CWC27: variants seen among roughly 807,000 people sequenced by gnomAD.
CWC27 encodes the protein spliceosome-associated protein CWC27 homolog.
CWC27 carries 47 observed loss-of-function variants against 63.6 expected under a neutral mutation model. The ratio of observed to expected loss-of-function variants is 0.74; its 90% CI spans 0.58 to 0.94. The LOEUF is 0.94. Among genes scored for constraint, CWC27 ranks in the 40% least tolerant of loss-of-function variants. CWC27 has a pLI of 0.00. For missense variants in CWC27, 495 were observed against 554.3 expected, an observed-to-expected ratio of 0.89 and a Z score of 1.07; for synonymous variants, 175 against 179.8, an observed-to-expected ratio of 0.97 and a Z score of 0.22.
intron 11 of CWC27, among the ~76,000 whole-genome samples, chr5:64,962,399 C>A (rs1010977163): frequency 6.6e-6 from 1 of 152,096 alleles, no homozygotes; most frequent in African/African-American, 2.4e-5. Context: ...ACTACAGTGG[C>A]CCAAGTGGAT....
chr5:64,865,133 A>G (rs1436030779), intron 10 of CWC27, among the ~76,000 whole-genome samples: 2 of 152,112 alleles, frequency 1.3e-5, no homozygotes, highest in Non-Finnish European at 2.9e-5. Flanking sequence ...TAAAAAAAAA[A>G]AAACTTGGGG....
intron 11 of CWC27, among the ~76,000 whole-genome samples, chr5:64,934,507 G>A: frequency 6.6e-6 from 1 of 152,190 alleles, no homozygotes; most frequent in Non-Finnish European, 1.5e-5. Context: ...TATCATTGAT[G>A]AGCGTTTGGG....
rs566217429 is a variant in CWC27, at chr5:64,813,219, T to C, written c.938+8833T>C. 6.6e-5 allele frequency among the ~76,000 whole-genome samples: 10 copies of C among 152,306 alleles called. No homozygotes were observed. The South Asian group carries it at 2.1e-3, about 32-fold the overall frequency. On this transcript the variant is annotated intron_variant, in intron 10 of 13. Transcript: ENST00000381070. ...GAAACCATACTATATTTAGCATTTC[T>C]GGCAAGCTTCCATTTTTCTTCTGTT...
chr5:64,874,777 A>G (rs927579034), intron 10 of CWC27, among the ~76,000 whole-genome samples: 7 of 151,674 alleles, frequency 4.6e-5, no homozygotes, highest in African/African-American at 1.5e-4. Context: ...TGAGCTAAAC[A>G]TATGTATTTA....
At chr5:64,780,041 A>G (rs1396401390) in intron 2 of CWC27, among the ~76,000 whole-genome samples, 1 of 152,166 alleles carries the variant, frequency 6.6e-6, no homozygotes, top group African/African-American at 2.4e-5. Flanking sequence ...TCTTCATAGC[A>G]GTGTGAGAAT....
At chr5:64,800,576 C>T (rs542954900) in intron 8 of CWC27, among the ~76,000 whole-genome samples, 1 of 152,216 alleles carries the variant, frequency 6.6e-6, no homozygotes, top group Admixed American at 6.5e-5. Context: ...TTTACCATTA[C>T]ATGTTAGGAC....
At chr5:64,911,659 T>G (rs1476756062) in intron 11 of CWC27, among the ~76,000 whole-genome samples, 2 of 152,154 alleles carry the variant, frequency 1.3e-5, no homozygotes, top group East Asian at 3.9e-4. Context: ...TTTAACAGTC[T>G]CTTGTTGAGA....
chr5:64,885,255 A>T (rs1286245921), intron 10 of CWC27, among the ~76,000 whole-genome samples, 188 bp from the exon 11 acceptor site: 1 of 152,148 alleles, frequency 6.6e-6, no homozygotes, highest in African/African-American at 2.4e-5. Flanking sequence ...TATTATGAAA[A>T]AATTAGAACT....
chr5:64,820,134 T>A (rs1316340279), intron 10 of CWC27, among the ~76,000 whole-genome samples: 1 of 152,234 alleles, frequency 6.6e-6, no homozygotes, highest in Non-Finnish European at 1.5e-5. Flanking sequence ...TTCTTTTTTT[T>A]AAATACTGTA....
chr5:64,802,340 A>G (rs1744516529), intron 9 of CWC27, among the ~76,000 whole-genome samples: 2 of 152,192 alleles, frequency 1.3e-5, no homozygotes, highest in African/African-American at 4.8e-5. Context: ...CAAGCAGGCC[A>G]GCGTGAACAG....
intron 10 of CWC27, among the ~76,000 whole-genome samples, chr5:64,838,412 AGG>A (rs1368105102): frequency 3.9e-5 from 6 of 152,208 alleles, no homozygotes; most frequent in African/African-American, 1.4e-4. Context: ...ATATACAGAT[AGG>A]GTTCCTGAAC....
At chr5:64,858,662 T>A (rs886684456) in intron 10 of CWC27, among the ~76,000 whole-genome samples, 1 of 151,770 alleles carries the variant, frequency 6.6e-6, no homozygotes, top group African/African-American at 2.4e-5. Context: ...AGAGAAAATA[T>A]TCAAATCATA....
chr5:64,967,686 T>C (rs1749044341), intron 11 of CWC27, among the ~76,000 whole-genome samples: 1 of 152,032 alleles, frequency 6.6e-6, no homozygotes, highest in Non-Finnish European at 1.5e-5. Flanking sequence ...AAAGCCTTTT[T>C]AACATATAAT....
intron 13 of CWC27, among the ~76,000 whole-genome samples, chr5:64,986,245 T>G (rs1749424558): frequency 6.6e-6 from 1 of 152,230 alleles, no homozygotes; most frequent in Non-Finnish European, 1.5e-5. Flanking sequence ...AGGATACATT[T>G]AGTTTTGTAA....
chr5:64,936,654 G>A (rs1008810738), intron 11 of CWC27, among the ~76,000 whole-genome samples: 6 of 152,152 alleles, frequency 3.9e-5, no homozygotes, highest in Non-Finnish European at 7.3e-5. Flanking sequence ...CTATTTTGTG[G>A]AATAGTTTCA....
At chr5:64,859,722 C>T (rs1332508462) in intron 10 of CWC27, among the ~76,000 whole-genome samples, 1 of 152,252 alleles carries the variant, frequency 6.6e-6, no homozygotes, top group East Asian at 1.9e-4. Flanking sequence ...TGTGCAGCAG[C>T]ATTCTAGAAG....
chr5:64,902,747 G>GA (rs1272634842), intron 11 of CWC27, among the ~76,000 whole-genome samples: 9 of 151,608 alleles, frequency 5.9e-5, no homozygotes, highest in East Asian at 1.9e-4. Flanking sequence ...CAATTTCTAC[G>GA]AAAAAAAAGC....
chr5:64,813,628 G>T (rs967578674), intron 10 of CWC27, among the ~76,000 whole-genome samples: 3 of 152,248 alleles, frequency 2.0e-5, no homozygotes, highest in Admixed American at 6.5e-5. Context: ...ATAGAATTGT[G>T]CATTTGAAAC....
intron 10 of CWC27, among the ~76,000 whole-genome samples, chr5:64,835,670 G>A (rs1745641324): frequency 6.6e-6 from 1 of 151,784 alleles, no homozygotes; most frequent in Admixed American, 6.6e-5. Flanking sequence ...TGTTCATTGT[G>A]TGGAACCTCA....
Sources: gnomAD v4.1 joint callset for allele counts (sites outside exome capture counted in the v4.1 genomes callset) on GRCh38, gnomAD v4.1.1 for gene constraint, MANE v1.5 for transcripts, NCBI Gene and HGNC (gene_info 2026-07-23, HGNC 2026-07-21) for gene names.